Variants in SNAPC4 observed in about 807,000 individuals in gnomAD.
SNAPC4 encodes small nuclear RNA activating complex polypeptide 4, also known as snRNA-activating protein complex subunit 4.
In SNAPC4, 127 loss-of-function variants were observed where a neutral mutation model predicts 151.3. That is an observed-to-expected ratio of 0.84 (90% CI 0.73 to 0.97). The LOEUF (loss-of-function observed/expected upper bound fraction) is 0.97, where lower values mean the gene tolerates loss of function less well. SNAPC4 is among the 50% of genes least tolerant of loss of function. SNAPC4 has a pLI of 0.00. For missense variants in SNAPC4, 2,186 were observed against 1,935.0 expected, an observed-to-expected ratio of 1.13 and a Z score of -2.43; for synonymous variants, 1,002 against 824.4, an observed-to-expected ratio of 1.22 and a Z score of -3.69.
At chr9:136,395,518 G>A in intron 4 of SNAPC4, 85 bp downstream of exon 4, 1 of 1,567,312 alleles carries the variant, frequency 6.4e-7, no homozygotes, top group Non-Finnish European at 8.7e-7. Flanking sequence ...CAGGGAGCTG[G>A]GGAGCCCTGG....
In SNAPC4 at chr9:136,378,007, G is replaced by A. The variant is rs756663817; in HGVS notation, c.3820C>T (p.Leu1274=). The A allele has an allele frequency of 1.3e-5, 21 of 1,598,066 alleles. No homozygotes were observed. The highest frequency in any genetic ancestry group is 1.7e-5 in the Admixed American group (1 of 58,344). ...GTGGCCGCCTCGCCCTCCTGGGACA[G>A]CAGGCCCAGGTCCAGGGCCCCCTTC... ...PEKGALDLGL[L]SQEGEAATQQ... Residue 1274 remains leucine (L), a synonymous_variant, in exon 22 of 24, where the codon CTG becomes TTG. Coordinates refer to ENST00000684778, the MANE Select transcript of SNAPC4 (RefSeq NM_003086.4).
At chr9:136,390,802 T>C (rs1834044754) in intron 10 of SNAPC4, among the ~76,000 whole-genome samples, 2 of 151,496 alleles carry the variant, frequency 1.3e-5, no homozygotes, top group Non-Finnish European at 1.5e-5. Flanking sequence ...AGCAGTAAAA[T>C]ATACATAGAA....
chr9:136,378,158 C>G lies in SNAPC4; in HGVS notation c.3669G>C (p.Gly1223=). The G allele has an allele frequency of 6.2e-7, 1 of 1,610,630 alleles. No individual in the cohort carries two copies. The highest frequency in any genetic ancestry group is 8.5e-7 in the Non-Finnish European group (1 of 1,179,342). ...TGGGCTCCTGTGTCCCTGAGGGGGACCCCGGCGTCCCCCTTGGCTCAGTTG... is the reference window on the plus strand; with the variant it reads ...TGGGCTCCTGTGTCCCTGAGGGGGAGCCCGGCGTCCCCCTTGGCTCAGTTG... ...IPATEPRGTP[G]SPSGTQEPRG... The change falls in exon 22 of 24, where the codon GGG becomes GGC. Residue 1223 remains glycine, a synonymous_variant. Coordinates refer to ENST00000684778, the MANE Select transcript of SNAPC4 (RefSeq NM_003086.4).
In SNAPC4 at chr9:136,387,507, T is replaced by G. The variant is rs989177263; in HGVS notation, c.1303A>C (p.Ser435Arg). 1 of 1,613,466 alleles carries G rather than the reference T, an allele frequency of 6.2e-7. No individual in the cohort carries two copies. Among genetic ancestry groups the G allele is most frequent in the Non-Finnish European group, 8.5e-7 (1 of 1,179,652 alleles). The change falls in exon 13 of 24, where the codon AGC becomes CGC. Residue 435 changes from serine to arginine, a missense_variant. Coordinates refer to ENST00000684778, the MANE Select transcript of SNAPC4 (RefSeq NM_003086.4). ...FKIREEVPGR[S>R]DAQCRDRYLR... ...CACCGATCTCGGCACTGGGCATCGC[T>G]CCTACCTGGCACCTCTTCCCGGATT...
chr9:136,392,577 G>A lies in SNAPC4; in HGVS notation c.755C>T (p.Ala252Val), dbSNP rs201243190. 3.7e-6 allele frequency: 6 copies of A among 1,613,790 alleles called. No homozygotes were observed. The African/African-American group carries it at 6.7e-5, about 18-fold the overall frequency. ...IQDINQLPEE[A>V]LLGNRLDSHD... Reference sequence around the variant, plus strand: ...GCTGTCCAGCCTGTTTCCCAGCAAGGCCTCTTCTGGAAGCTGGCTGGTGGA... The same window carrying A: ...GCTGTCCAGCCTGTTTCCCAGCAAGACCTCTTCTGGAAGCTGGCTGGTGGA... The change falls in exon 9 of 24, where the codon GCC (alanine) becomes GTC (valine). Residue 252 changes from alanine to valine, a missense_variant. Ala to Val is a moderately conservative substitution (Grantham distance 64). Coordinates refer to ENST00000684778, the MANE Select transcript of SNAPC4 (RefSeq NM_003086.4).
chr9:136,384,894 T>C (rs544269300), intron 13 of SNAPC4, 80 bp from the exon 14 acceptor site: 19 of 739,808 alleles, frequency 2.6e-5, no homozygotes, highest in Admixed American at 2.1e-4. Context: ...TTTAATGGTT[T>C]CTTGGATATG....
At chr9:136,379,781 T>A (rs1488104163) in intron 21 of SNAPC4, 56 bp downstream of exon 21, 1 of 1,567,144 alleles carries the variant, frequency 6.4e-7, no homozygotes, top group Non-Finnish European at 8.8e-7. Context: ...TTAGGCCTCT[T>A]CCCCGCCAGG....
At position 136,383,385 on chromosome 9, in the gene SNAPC4, G is replaced by A. The variant is rs1172176979; in HGVS notation, c.1784C>T (p.Ala595Val). Reference sequence around the variant, plus strand: ...CCCCTTGGGAGGGCTGAGGGAGGCAGCGGGGCCTCCCAGCCAGGCCCCTGC... The same window carrying A: ...CCCCTTGGGAGGGCTGAGGGAGGCAACGGGGCCTCCCAGCCAGGCCCCTGC... The part of the protein sequence containing the change: ...GGAGAWLGGP[A>V]ASLSPPKGSS... Residue 595 changes from alanine to valine, a missense_variant, in exon 16 of 24, where the codon GCT becomes GTT. Physicochemically the swap from Ala to Val is moderately conservative, Grantham distance 64. Coordinates refer to ENST00000684778, the MANE Select transcript of SNAPC4 (RefSeq NM_003086.4). This position sits in a 1 kb window ranked among gnomAD's most constrained non-coding sequence, Gnocchi z 4.2. The A allele has an allele frequency of 1.3e-6, 2 of 1,591,052 alleles. No homozygotes were observed. The highest frequency in any genetic ancestry group is 1.7e-6 in the Non-Finnish European group (2 of 1,168,910).
chr9:136,390,449 G>C (rs983708009), intron 10 of SNAPC4, among the ~76,000 whole-genome samples: 6 of 151,436 alleles, frequency 4.0e-5, no homozygotes, highest in Non-Finnish European at 8.8e-5. Flanking sequence ...CAGCTACTCG[G>C]GAGGCTGAGG....
At position 136,395,647 on chromosome 9, in the gene SNAPC4, G is replaced by C; in HGVS notation, c.301C>G (p.Leu101Val). The C allele has an allele frequency of 1.1e-5, 17 of 1,612,992 alleles. No homozygotes were observed. Among genetic ancestry groups the C allele is most frequent in the Non-Finnish European group, 1.4e-5 (17 of 1,179,938 alleles). ...MVYQEVIQEK[L>V]AEANLLLAQN... ...GCCAGCAGCAGGTTGGCCTCAGCCA[G>C]CTTCTCCTGGATGACCTCCTGGTAG... Residue 101 changes from leucine (L) to valine (V), a missense_variant, in exon 4 of 24, where the codon CTG becomes GTG. Leu to Val is a conservative substitution (Grantham distance 32, BLOSUM62 1). Transcript: ENST00000684778.
intron 4 of SNAPC4, 80 bp downstream of exon 4, chr9:136,395,523 C>T: frequency 3.2e-6 from 5 of 1,566,754 alleles, no homozygotes; most frequent in Non-Finnish European, 4.3e-6. Flanking sequence ...AGCTGGGGAG[C>T]CCTGGACCTG....
At chr9:136,376,593 G>A in intron 22 of SNAPC4, 112 bp from the exon 23 acceptor site, 1 of 1,305,024 alleles carries the variant, frequency 7.7e-7, no homozygotes, top group Non-Finnish European at 1.1e-6. Flanking sequence ...ACTTGGGACA[G>A]GGCACCCTCA....
At chr9:136,392,324 G>T (rs1396405166) in intron 9 of SNAPC4, among the ~76,000 whole-genome samples, 198 bp downstream of exon 9, 1 of 152,144 alleles carries the variant, frequency 6.6e-6, no homozygotes, top group African/African-American at 2.4e-5. Flanking sequence ...AGAAAGGGCC[G>T]TGCACCAGCC....
chr9:136,380,069 A>C (rs1056030156), intron 20 of SNAPC4, among the ~76,000 whole-genome samples: 6 of 152,184 alleles, frequency 3.9e-5, no homozygotes, highest in African/African-American at 1.2e-4. Context: ...TCCAGTGGCT[A>C]CGGCACAGAG....
In SNAPC4 at chr9:136,376,396, C is replaced by T. The variant is rs754798070; in HGVS notation, c.4370G>A (p.Arg1457Gln). 44 of 1,613,444 alleles carry T rather than the reference C, an allele frequency of 2.7e-5. No homozygotes were observed. The highest frequency in any genetic ancestry group is 1.7e-4 in the Middle Eastern group (1 of 6,058). Residue 1457 changes from arginine to glutamine, a missense_variant, in exon 23 of 24, where the codon CGG (arginine) becomes CAG (glutamine). Coordinates refer to ENST00000684778, the MANE Select transcript of SNAPC4 (RefSeq NM_003086.4). ...DPDDLDVLRTRHARHTRKRRR... is the reference protein window; with the variant it reads ...DPDDLDVLRTQHARHTRKRRR... The stretch of plus-strand genomic sequence containing the variant: ...CCGCTTCCGGGTGTGCCTGGCATGC[C>T]GGGTTCTGAGCACGTCCAGGTCGTC...
chr9:136,384,130 G>A (rs1303697417), intron 14 of SNAPC4, 98 bp from the exon 15 acceptor site: 2 of 971,356 alleles, frequency 2.1e-6, no homozygotes, highest in Middle Eastern at 2.4e-4. Context: ...CCCCATCAGA[G>A]TGGAGCCTCC....
Position 136,377,615 on chromosome 9 carries a change from GTCT to G in SNAPC4, c.4209_4211del (p.Glu1403del), listed in dbSNP as rs753035437. On this transcript the variant is annotated inframe_deletion, in exon 22 of 24. Transcript: ENST00000684778. ...CTGCAAGTTCCAGCTCACTCAGGAG[GTCT>G]TCATCCTCACTCTCAGAGCCCACCC... 10 of 1,564,836 alleles carry G rather than the reference GTCT, an allele frequency of 6.4e-6. No individual in the cohort carries two copies. The South Asian group carries it at 1.2e-4, about 18-fold the overall frequency.
chr9:136,392,216 C>T, intron 9 of SNAPC4, 110 bp from the exon 10 acceptor site: 1 of 1,336,194 alleles, frequency 7.5e-7, no homozygotes, highest in East Asian at 2.3e-5. Context: ...TCCACGGCTG[C>T]AAGTAAGCGC....
chr9:136,388,248 C>T (rs1431987120), intron 11 of SNAPC4, among the ~76,000 whole-genome samples, 196 bp downstream of exon 11: 2 of 125,702 alleles, frequency 1.6e-5, no homozygotes, highest in Admixed American at 2.0e-4. Context: ...TCCTGGGCAA[C>T]AAGAGTGAAA....
Sources: allele counts gnomAD v4.1 joint callset (sites outside exome capture counted in the v4.1 genomes callset), GRCh38; gene constraint gnomAD v4.1.1; non-coding constraint Gnocchi (gnomAD v3.1); transcripts MANE v1.5; gene names NCBI Gene and HGNC (gene_info 2026-07-23, HGNC 2026-07-21).